Variants in IFNGR2 observed in about 807,000 individuals in gnomAD.
The protein encoded by IFNGR2 is interferon gamma receptor 2, also known as IFN-gamma receptor 2.
A neutral mutation model predicts 41.1 loss-of-function variants in IFNGR2; 15 were observed. The ratio of observed to expected loss-of-function variants is 0.37; its 90% CI spans 0.24 to 0.56. IFNGR2 has a LOEUF of 0.56. Among genes scored for constraint, IFNGR2 ranks in the 20% least tolerant of loss-of-function variants. The pLI is 0.81. For missense variants in IFNGR2, 362 were observed against 415.7 expected (o/e 0.87, Z 1.12); for synonymous variants, 161 against 171.6 (o/e 0.94, Z 0.48).
At chr21:33,432,637 GC>G (rs2083900171) in intron 5 of IFNGR2, 76 bp from the exon 6 acceptor site, 1 of 1,497,654 alleles carries the variant, frequency 6.7e-7, no homozygotes, top group Admixed American at 1.7e-5. Flanking sequence ...TCTTTAAGCA[GC>G]ATGGATGGAA....
rs184963792 is a variant in IFNGR2, at chr21:33,412,855, A to G, written c.74-2033A>G. 2.6e-3 allele frequency among the ~76,000 whole-genome samples: 397 copies of G among 152,300 alleles called. 2 individuals are homozygous for G. The highest frequency in any genetic ancestry group is 4.3e-3 in the Non-Finnish European group (294 of 68,030). Reference sequence around the variant, plus strand: ...CAGGCATGAGCCACTGTGCCCGGCCAGGAGTTTATTTCTATCTTGTCTCAT... The same window carrying G: ...CAGGCATGAGCCACTGTGCCCGGCCGGGAGTTTATTTCTATCTTGTCTCAT... On this transcript the variant is annotated intron_variant, in intron 1 of 6. Transcript: ENST00000290219.
At chr21:33,413,804 T>C (rs1355477013) in intron 1 of IFNGR2, among the ~76,000 whole-genome samples, 1 of 150,590 alleles carries the variant, frequency 6.6e-6, no homozygotes, top group Non-Finnish European at 1.5e-5. Context: ...GTATATTCTT[T>C]CTCTGTTTAT....
intron 4 of IFNGR2, among the ~76,000 whole-genome samples, chr21:33,428,696 C>T (rs1181304042): frequency 6.6e-6 from 1 of 152,238 alleles, no homozygotes; most frequent in Admixed American, 6.5e-5. Context: ...GACTCTGCCT[C>T]TTCCAAGTCT....
chr21:33,427,695 A>G (rs1479076427), intron 4 of IFNGR2, among the ~76,000 whole-genome samples: 1 of 152,174 alleles, frequency 6.6e-6, no homozygotes, highest in Non-Finnish European at 1.5e-5. Context: ...TCCTAGCTGC[A>G]TTTAAGGAGG....
rs1347676205 is a variant in IFNGR2 at position 33,423,206 on chromosome 21, A to AT, written c.412+1527dup. Reference sequence around the variant, plus strand: ...AGGCGCCCGCCACCACACCCGGCTAATTTTTTGTATTTTTAGTAGAGATGG... The same window carrying AT: ...AGGCGCCCGCCACCACACCCGGCTAATTTTTTTGTATTTTTAGTAGAGATGG... On this transcript the variant is annotated intron_variant, in intron 3 of 6. Transcript: ENST00000290219. Among the ~76,000 whole-genome samples, 6 of 150,752 alleles carry AT rather than the reference A, an allele frequency of 4.0e-5. No homozygotes were observed. In the East Asian group the frequency reaches 8.0e-4, roughly 20 times the overall value.
At chr21:33,404,199 G>A (rs1477421454) in intron 1 of IFNGR2, among the ~76,000 whole-genome samples, 1 of 152,264 alleles carries the variant, frequency 6.6e-6, no homozygotes, top group Non-Finnish European at 1.5e-5. Flanking sequence ...AGGCCTGGCT[G>A]GAAGCTAGAC....
At chr21:33,408,422 C>G (rs1223508350) in intron 1 of IFNGR2, among the ~76,000 whole-genome samples, 1 of 152,112 alleles carries the variant, frequency 6.6e-6, no homozygotes, top group Non-Finnish European at 1.5e-5. Context: ...TCTCGAACTC[C>G]TGACCTTAAG....
rs552291982 is a variant in IFNGR2, at chr21:33,426,967, G to A, written c.496G>A (p.Ala166Thr). 24 of 1,613,426 alleles carry A rather than the reference G, an allele frequency of 1.5e-5. No individual in the cohort carries two copies. In the Admixed American group the frequency reaches 1.5e-4, roughly 10 times the overall value. Reference protein sequence around the residue: ...IIRFSSPFDIADTSTAFFCYY... With the variant: ...IIRFSSPFDITDTSTAFFCYY... ...CAGGTTCTCCTCTCCCTTTGACATC[G>A]CTGATACCTCCACGGCCTTTTTTTG... Residue 166 changes from alanine (A) to threonine (T), a missense_variant, in exon 4 of 7, where the codon GCT (alanine) becomes ACT (threonine). By Grantham distance (58) the Ala-to-Thr change is moderately conservative. Transcript: ENST00000290219.
At chr21:33,410,749 T>G in intron 1 of IFNGR2, 16 of 921,900 alleles carry the variant, frequency 1.7e-5, no homozygotes, top group Non-Finnish European at 2.6e-5. Flanking sequence ...ATTACAGGCG[T>G]GAGCCACCAC....
chr21:33,408,223 G>C (rs528968058), intron 1 of IFNGR2, among the ~76,000 whole-genome samples: 19 of 152,064 alleles, frequency 1.2e-4, no homozygotes, highest in Non-Finnish European at 2.2e-4. Context: ...TTGATATGGA[G>C]TTTTGCTCTT....
chr21:33,418,894 G>A lies in IFNGR2; in HGVS notation c.207-2586G>A, dbSNP rs554187025. On this transcript the variant is annotated intron_variant, in intron 2 of 6. Transcript: ENST00000290219. ...GGCAGCAAGGCCCCTTCCAGATCAC[G>A]CCTCCTGGTCTACTGCCAGCCCCTC... Among the ~76,000 whole-genome samples, 6 of 152,164 alleles carry A rather than the reference G, an allele frequency of 3.9e-5. No individual in the cohort carries two copies. In the East Asian group the frequency reaches 5.8e-4, roughly 15 times the overall value.
chr21:33,429,965 C>T (rs2083871870), intron 4 of IFNGR2, among the ~76,000 whole-genome samples: 1 of 152,084 alleles, frequency 6.6e-6, no homozygotes, highest in Non-Finnish European at 1.5e-5. Flanking sequence ...ATGGTGAAAA[C>T]CCATCTCTAC....
chr21:33,403,404 C>T (rs1180478970), upstream of IFNGR2: 9 of 310,458 alleles, frequency 2.9e-5, no homozygotes, highest in East Asian at 1.2e-3. Context: ...TCCACCGGGA[C>T]GCCCCGCTGC....
At chr21:33,423,393 TTTG>T (rs887459459) in intron 3 of IFNGR2, among the ~76,000 whole-genome samples, 6 of 150,944 alleles carry the variant, frequency 4.0e-5, no homozygotes, top group Admixed American at 6.6e-5. Context: ...AAAGTTTTTT[TTTG>T]TTGTTGTTGT....
intron 3 of IFNGR2, among the ~76,000 whole-genome samples, chr21:33,425,306 A>G (rs1277306080): frequency 6.6e-6 from 1 of 152,200 alleles, no homozygotes; most frequent in African/African-American, 2.4e-5. Flanking sequence ...ATTGTCGTCC[A>G]GTGTTCCCTA....
At chr21:33,413,451 G>C (rs1166825647) in intron 1 of IFNGR2, among the ~76,000 whole-genome samples, 1 of 152,208 alleles carries the variant, frequency 6.6e-6, no homozygotes, top group Non-Finnish European at 1.5e-5. Flanking sequence ...TGGTCAGGCT[G>C]TCAGCTGATC....
chr21:33,421,382 G>C, intron 2 of IFNGR2, 98 bp from the exon 3 acceptor site: 1 of 757,402 alleles, frequency 1.3e-6, no homozygotes, highest in Admixed American at 1.9e-5. Context: ...CATATAAATT[G>C]TATCTCAATA....
rs750309703 is a variant in IFNGR2, at chr21:33,416,475, A to G, written c.206+1455A>G. 4.4e-4 allele frequency among the ~76,000 whole-genome samples: 67 copies of G among 152,250 alleles called. 1 individual carries two copies. Among genetic ancestry groups the G allele is most frequent in the Non-Finnish European group, 7.4e-4 (50 of 68,016 alleles). On this transcript the variant is annotated intron_variant, in intron 2 of 6. Transcript: ENST00000290219. Reference sequence around the variant, plus strand: ...TACTGAAAAGTTGCAAGTGGTATGTATTTATTGTCAAGAATAGAAAGGGGC... The same window carrying G: ...TACTGAAAAGTTGCAAGTGGTATGTGTTTATTGTCAAGAATAGAAAGGGGC...
chr21:33,413,626 G>A (rs1381542608), intron 1 of IFNGR2, among the ~76,000 whole-genome samples: 3 of 151,952 alleles, frequency 2.0e-5, no homozygotes, highest in Admixed American at 6.6e-5. Context: ...TAAGACAAAG[G>A]GCTCCCTGTG....
Sources: gnomAD v4.1 joint callset for allele counts (sites outside exome capture counted in the v4.1 genomes callset) on GRCh38, gnomAD v4.1.1 for gene constraint, MANE v1.5 for transcripts, NCBI Gene and HGNC (gene_info 2026-07-23, HGNC 2026-07-21) for gene names.